ATG16L1: variants seen among roughly 807,000 people sequenced by gnomAD.
ATG16L1 encodes autophagy-related protein 16-1.
ATG16L1 carries 37 observed loss-of-function variants against 88.5 expected under a neutral mutation model. The ratio of observed to expected loss-of-function variants is 0.42; its 90% confidence interval spans 0.32 to 0.55. ATG16L1 has a LOEUF of 0.55. Ranked by LOEUF, ATG16L1 falls within the 20% of genes least tolerant of loss-of-function variation. ATG16L1 has a pLI of 0.13. For synonymous variants in ATG16L1, 301 were observed against 281.0 expected (o/e 1.07, Z -0.71); for missense variants, 554 against 752.8 (o/e 0.74, Z 3.09).
intron 10 of ATG16L1, among the ~76,000 whole-genome samples, chr2:233,280,367 G>T (rs1019857163): frequency 3.3e-5 from 5 of 152,192 alleles, no homozygotes; most frequent in African/African-American, 1.2e-4. Context: ...GCTCTTCTCA[G>T]TTTGGGATTG....
chr2:233,280,792 T>C (rs1279284022), intron 10 of ATG16L1, among the ~76,000 whole-genome samples: 3 of 152,210 alleles, frequency 2.0e-5, no homozygotes, highest in Non-Finnish European at 4.4e-5. Flanking sequence ...TCTAGTTTGA[T>C]TGACATGGTT....
At chr2:233,283,515 C>G (rs543633950) in intron 12 of ATG16L1, among the ~76,000 whole-genome samples, 1 of 150,936 alleles carries the variant, frequency 6.6e-6, no homozygotes, top group Non-Finnish European at 1.5e-5. Context: ...GTGTGTCAAC[C>G]CACACCAAAA....
rs36045386 is a variant in ATG16L1 at position 233,294,314 on chromosome 2, C to T, written c.1788C>T (p.Asp596=). Residue 596 remains aspartate (D), a synonymous_variant, in exon 18 of 18, where the codon GAC becomes GAT. Transcript: ENST00000392017. ...SPSGSHVVSV[D]KGCKAVLWAQ... ...CTGGCTCGCACGTTGTCAGTGTGGA[C>T]AAAGGATGCAAAGCTGTGCTGTGGG... 2,994 of 1,613,680 alleles carry T rather than the reference C, an allele frequency of 1.9e-3. 53 individuals carry two copies. The African/African-American group carries it at 0.035, about 19-fold the overall frequency.
rs1162711206 is a variant in ATG16L1 at position 233,282,758 on chromosome 2, G to T, written c.1203+5G>T. On this transcript the variant is annotated splice_donor_5th_base_variant and intron_variant, in intron 12 of 17. Coordinates refer to ENST00000392017, the MANE Select transcript of ATG16L1 (RefSeq NM_030803.7). ...GTGGATGATTATCGATTACGGGTAAGACCCAGTTAAGAAAGTTAGTGCAAT... is the reference window on the plus strand; with the variant it reads ...GTGGATGATTATCGATTACGGGTAATACCCAGTTAAGAAAGTTAGTGCAAT... The T allele has an allele frequency of 6.2e-7, 1 of 1,613,636 alleles. No homozygotes were observed. The highest frequency in any genetic ancestry group is 8.5e-7 in the Non-Finnish European group (1 of 1,179,610).
At chr2:233,271,925 G>T (rs1456712812) in intron 6 of ATG16L1, among the ~76,000 whole-genome samples, 13 of 152,194 alleles carry the variant, frequency 8.5e-5, no homozygotes, top group Non-Finnish European at 1.8e-4. Context: ...TCCTGGCCAA[G>T]AATGTGGTGC....
rs1486360465 is a variant in ATG16L1, at chr2:233,294,417, C to T, written c.*67C>T. On this transcript the variant is annotated 3_prime_UTR_variant, in exon 18 of 18. Coordinates refer to ENST00000392017, the MANE Select transcript of ATG16L1 (RefSeq NM_030803.7). ...AAGAAGCACATGGGCTCCTGCAGCCCTGTCCTGGCAGGTGATGTGCTGGGT... is the reference window on the plus strand; with the variant it reads ...AAGAAGCACATGGGCTCCTGCAGCCTTGTCCTGGCAGGTGATGTGCTGGGT... 7.5e-7 allele frequency: 1 copy of T among 1,330,150 alleles called. No homozygotes were observed. Among genetic ancestry groups the T allele is most frequent in the Non-Finnish European group, 1.1e-6 (1 of 938,742 alleles). The allele number at this position is 1,330,150 out of a possible 1,614,324, so 82.4% of individuals were successfully genotyped here. A position where few individuals can be genotyped will look rare whatever the true frequency, so the allele number is the denominator to read the frequency against.
At position 233,289,377 on chromosome 2, in the gene ATG16L1, A is replaced by ATATGTGTGTGTGTGTGTGTGTG. The variant is rs1553608984; in HGVS notation, c.1204-476_1204-475insATGTGTGTGTGTGTGTGTGTGT. On this transcript the variant is annotated intron_variant, in intron 12 of 17. Transcript: ENST00000392017. ...ATTGTTGCTTCTTGTCCTGTTTGGG[A>ATATGTGTGTGTGTGTGTGTGTG]TGTGTGTGTGTGTGTGTGTGTGTGT... 5.4e-5 allele frequency among the ~76,000 whole-genome samples: 7 copies of ATATGTGTGTGTGTGTGTGTGTG among 129,060 alleles called. No homozygotes were observed. The East Asian group carries it at 1.1e-3, about 21-fold the overall frequency. The allele number at this position is 129,060 out of a possible 152,430, so 84.7% of individuals were successfully genotyped here.
chr2:233,293,196 A>G (rs780193591), intron 16 of ATG16L1, 60 bp from the exon 17 acceptor site: 13 of 1,418,570 alleles, frequency 9.2e-6, no homozygotes, highest in Non-Finnish European at 1.3e-5. Context: ...AAAAGGCCAC[A>G]GAGATGCTGA....
chr2:233,293,170 A>G, intron 16 of ATG16L1, 86 bp from the exon 17 acceptor site: 1 of 1,195,608 alleles, frequency 8.4e-7, no homozygotes, highest in Non-Finnish European at 1.2e-6. Context: ...TGAAGAACAA[A>G]CATTCCTTCT....
intron 2 of ATG16L1, among the ~76,000 whole-genome samples, chr2:233,260,083 G>A (rs2125212131): frequency 6.6e-6 from 1 of 152,230 alleles, no homozygotes; most frequent in Middle Eastern, 3.4e-3. Flanking sequence ...GCACTTTGTT[G>A]GTTTCCTTTC....
At position 233,294,272 on chromosome 2, in the gene ATG16L1, G is replaced by C; in HGVS notation, c.1746G>C (p.Ala582=). ...LSKQHSSSIN[A]VAWSPSGSHV... ...TCCTTTGAAGCTCATCCATCAATGC[G>C]GTGGCGTGGTCGCCCTCTGGCTCGC... Residue 582 remains alanine, a synonymous_variant, in exon 18 of 18, where the codon GCG becomes GCC. Transcript: ENST00000392017. 1 of 1,607,766 alleles carries C rather than the reference G, an allele frequency of 6.2e-7. No homozygotes were observed. The highest frequency in any genetic ancestry group is 8.5e-7 in the Non-Finnish European group (1 of 1,177,300).
chr2:233,283,602 G>A (rs1030614870), intron 12 of ATG16L1, among the ~76,000 whole-genome samples: 2 of 151,710 alleles, frequency 1.3e-5, no homozygotes, highest in African/African-American at 2.4e-5. Flanking sequence ...CTTGTGTGGG[G>A]TACAGTAGTG....
intron 10 of ATG16L1, among the ~76,000 whole-genome samples, chr2:233,279,341 AATTCTAG>A (rs2125265311): frequency 7.2e-6 from 1 of 139,140 alleles, no homozygotes; most frequent in African/African-American, 2.7e-5. Flanking sequence ...ACCAACCTTT[AATTCTAG>A]TAACCTTTTT....
intron 10 of ATG16L1, among the ~76,000 whole-genome samples, chr2:233,280,477 A>G (rs1698651336): frequency 6.6e-6 from 1 of 151,934 alleles, no homozygotes; most frequent in Admixed American, 6.6e-5. Context: ...GTGTAGAGGG[A>G]TGGGAGGTGC....
At chr2:233,277,487 A>C in intron 9 of ATG16L1, 81 bp from the exon 10 acceptor site, 2 of 1,290,314 alleles carry the variant, frequency 1.6e-6, no homozygotes, top group Non-Finnish European at 2.2e-6. Context: ...TTCCCCATGA[A>C]TTAGGCATTT....
At chr2:233,290,040 A>G in intron 13 of ATG16L1, 66 bp downstream of exon 13, 1 of 1,596,140 alleles carries the variant, frequency 6.3e-7, no homozygotes, top group Non-Finnish European at 8.6e-7. Flanking sequence ...GTGTGTTTGC[A>G]CGTCAGAGCC....
chr2:233,294,379 G>T lies in ATG16L1; in HGVS notation c.*29G>T. On this transcript the variant is annotated 3_prime_UTR_variant, in exon 18 of 18. Transcript: ENST00000392017. ...GGCTCTCAGGGCTGGGAGGACCCCAGTGCCCTCCTCAGAAGAAGCACATGG... is the reference window on the plus strand; with the variant it reads ...GGCTCTCAGGGCTGGGAGGACCCCATTGCCCTCCTCAGAAGAAGCACATGG... 6.3e-7 allele frequency: 1 copy of T among 1,587,650 alleles called. No individual in the cohort carries two copies.
intron 1 of ATG16L1, among the ~76,000 whole-genome samples, chr2:233,253,560 G>A (rs1398034673): frequency 6.6e-6 from 1 of 151,966 alleles, no homozygotes; most frequent in Middle Eastern, 3.2e-3. Flanking sequence ...TGGCCAGGCG[G>A]ATCTTGAACT....
intron 3 of ATG16L1, 148 bp downstream of exon 3, chr2:233,263,383 AG>A (rs773329426): frequency 2.9e-6 from 2 of 680,668 alleles, no homozygotes; most frequent in Non-Finnish European, 5.0e-6. Context: ...TAAAAGGGTG[AG>A]GAAAACAGAA....
Sources: allele counts gnomAD v4.1 joint callset (sites outside exome capture counted in the v4.1 genomes callset), GRCh38; gene constraint gnomAD v4.1.1; transcripts MANE v1.5; gene names NCBI Gene and HGNC (gene_info 2026-07-23, HGNC 2026-07-21).